Variants in PSG3 observed in about 807,000 individuals in gnomAD.
The protein encoded by PSG3 is pregnancy specific beta-1-glycoprotein 3, also known as pregnancy-specific beta-1-glycoprotein 3.
A neutral mutation model predicts 47.5 loss-of-function variants in PSG3; 61 were observed. That is an observed-to-expected ratio of 1.28 (90% CI 1.05 to 1.59). The LOEUF (loss-of-function observed/expected upper bound fraction) is 1.59, where lower values mean the gene tolerates loss of function less well. PSG3 is among the 40% of genes most tolerant of loss of function. PSG3 has a pLI of 0.00. For synonymous variants in PSG3, 263 were observed against 198.4 expected (o/e 1.33, Z -2.74); for missense variants, 756 against 524.0 (o/e 1.44, Z -4.32).
rs1600386586 is a variant in PSG3 at position 42,733,066 on chromosome 19, T to C, written c.431-4A>G. 1 of 1,612,768 alleles carries C rather than the reference T, an allele frequency of 6.2e-7. No homozygotes were observed. The highest frequency in any genetic ancestry group is 8.5e-7 in the Non-Finnish European group (1 of 1,179,202). ...ATGGAGGGCTTGGGAGTCTCCACTG[T>C]GCAGAAAACAGAGAGAAGATTGCCC... On this transcript the variant is annotated splice_region_variant and splice_polypyrimidine_tract_variant and intron_variant, in intron 2 of 6. Coordinates refer to ENST00000327495, the MANE Select transcript of PSG3 (RefSeq NM_021016.4).
intron 1 of PSG3, 44 bp from the exon 2 acceptor site, chr19:42,739,133 T>G: frequency 6.4e-7 from 1 of 1,561,122 alleles, no homozygotes; most frequent in Non-Finnish European, 8.7e-7. Flanking sequence ...GACCTATGCA[T>G]TGGGGTGAAA....
chr19:42,729,071 C>A (rs750526158), intron 5 of PSG3, 52 bp downstream of exon 5: 21 of 1,612,990 alleles, frequency 1.3e-5, no homozygotes, highest in Non-Finnish European at 1.6e-5. Flanking sequence ...CTCTGAAAGC[C>A]AGAGAGACTC....
At position 42,721,807 on chromosome 19, in the gene PSG3, A is replaced by C. The variant is rs1319666497; in HGVS notation, c.*324T>G. 2.4e-6 allele frequency: 1 copy of C among 409,840 alleles called. No individual in the cohort carries two copies. The highest frequency in any genetic ancestry group is 2.1e-5 in the African/African-American group (1 of 48,610). The allele number at this position is 409,840 out of a possible 1,614,324, so 25.4% of individuals were successfully genotyped here. On this transcript the variant is annotated 3_prime_UTR_variant, in exon 7 of 7. Transcript: ENST00000327495. ...AAAGTGCATAAATCTGGAGAATAAA[A>C]CATTCAAAGAATCAGCACATTTTCA...
intron 2 of PSG3, among the ~76,000 whole-genome samples, chr19:42,736,946 G>A (rs1323960362): frequency 6.6e-6 from 1 of 152,176 alleles, no homozygotes; most frequent in East Asian, 1.9e-4. Context: ...GTTAGAGGGA[G>A]TGTCTGGGGA....
intron 5 of PSG3, among the ~76,000 whole-genome samples, chr19:42,727,918 C>A (rs1047464410): frequency 6.6e-6 from 1 of 152,190 alleles, no homozygotes; most frequent in Non-Finnish European, 1.5e-5. Flanking sequence ...TGTATCTATA[C>A]ATTGAAATGT....
At chr19:42,737,471 C>T (rs1388936109) in intron 2 of PSG3, among the ~76,000 whole-genome samples, 4 of 152,074 alleles carry the variant, frequency 2.6e-5, no homozygotes, top group Admixed American at 2.0e-4. Flanking sequence ...GACATGGACA[C>T]TTTGGGAAAC....
rs746320896 is a variant in PSG3 at position 42,738,760 on chromosome 19, T to G, written c.394A>C (p.Arg132=). Residue 132 remains arginine, a synonymous_variant, in exon 2 of 7, where the codon AGA becomes CGA. Transcript: ENST00000327495. ...AAGGTGAAATGTCCAGTTTCTCCTCTAGTCCCATCACCTCGCTTTACGATG... is the reference window on the plus strand; with the variant it reads ...AAGGTGAAATGTCCAGTTTCTCCTCGAGTCCCATCACCTCGCTTTACGATG... ...LHIVKRGDGT[R]GETGHFTFTL... The G allele has an allele frequency of 6.2e-7, 1 of 1,614,018 alleles. No homozygotes were observed. The highest frequency in any genetic ancestry group is 1.1e-5 in the South Asian group (1 of 91,068).
chr19:42,732,794 C>G lies in PSG3; in HGVS notation c.699G>C (p.Leu233=). 1 of 1,614,096 alleles carries G rather than the reference C, an allele frequency of 6.2e-7. No homozygotes were observed. Among genetic ancestry groups the G allele is most frequent in the Non-Finnish European group, 8.5e-7 (1 of 1,179,956 alleles). The change falls in exon 3 of 7, where the codon CTG becomes CTC. Residue 233 remains leucine, a synonymous_variant. Transcript: ENST00000327495. ...ACAGGAGATACTCACGGAGGAGATT[C>G]AGGGTGACTGGGTCACTGCGGCTGG... ...VSASRSDPVT[L]NLLPKLPKPY... is the part of the protein sequence containing the mutation.
Position 42,739,033 on chromosome 19 carries a change from C to G in PSG3, c.121G>C (p.Glu41Gln), listed in dbSNP as rs201858392. The change falls in exon 2 of 7, where the codon GAG becomes CAG. Residue 41 changes from glutamate to glutamine, a missense_variant. By Grantham distance (29) the Glu-to-Gln change is conservative. Transcript: ENST00000327495. ...PTTAQVTIEA[E>Q]PTKVSKGKDV... The stretch of plus-strand genomic sequence containing the variant: ...TTCCCCTTGGAAACTTTGGTTGGCT[C>G]GGCTTCAATCGTGACTTGGGCAGTG... The G allele has an allele frequency of 1.6e-5, 26 of 1,613,482 alleles. No homozygotes were observed. Among genetic ancestry groups the G allele is most frequent in the African/African-American group, 1.5e-4 (11 of 74,916 alleles).
rs1969605619 is a variant in PSG3, at chr19:42,738,579, G to C, written c.430+145C>G. The stretch of plus-strand genomic sequence containing the variant: ...TGATCTGTTGAAATTTGTCTCTTCT[G>C]TGTGTGTCCTGCACTAAATGCCCAA... On this transcript the variant is annotated intron_variant, in intron 2 of 6. Coordinates refer to ENST00000327495, the MANE Select transcript of PSG3 (RefSeq NM_021016.4). 4.0e-6 allele frequency: 6 copies of C among 1,501,550 alleles called. No homozygotes were observed. The South Asian group carries it at 6.2e-5, about 15-fold the overall frequency. The allele number at this position is 1,501,550 out of a possible 1,614,324, so 93.0% of individuals were successfully genotyped here. A position where few individuals can be genotyped will look rare whatever the true frequency, so the allele number is the denominator to read the frequency against.
intron 2 of PSG3, among the ~76,000 whole-genome samples, chr19:42,737,149 T>C (rs756478219): frequency 2.0e-5 from 3 of 151,986 alleles, no homozygotes; most frequent in Non-Finnish European, 2.9e-5. Context: ...CAAGGAGCCC[T>C]GAGAACCCTC....
chr19:42,730,923 G>A (rs1026366153), intron 3 of PSG3, among the ~76,000 whole-genome samples: 10 of 152,214 alleles, frequency 6.6e-5, no homozygotes, highest in Non-Finnish European at 1.3e-4. Context: ...CTGGAAATCT[G>A]GTCCTCATGG....
At chr19:42,737,731 T>C (rs994706821) in intron 2 of PSG3, among the ~76,000 whole-genome samples, 3 of 152,152 alleles carry the variant, frequency 2.0e-5, no homozygotes, top group African/African-American at 7.2e-5. Context: ...GGCCTTTGGC[T>C]CCAGACACAC....
intron 4 of PSG3, 102 bp from the exon 5 acceptor site, chr19:42,729,479 C>T (rs1286067545): frequency 2.6e-6 from 4 of 1,521,036 alleles, no homozygotes; most frequent in Non-Finnish European, 2.6e-6. Context: ...AAGACACACC[C>T]TCAAGTGCCA....
chr19:42,724,438 G>A (rs878987189), intron 5 of PSG3, among the ~76,000 whole-genome samples: 1 of 152,160 alleles, frequency 6.6e-6, no homozygotes, highest in Non-Finnish European at 1.5e-5. Context: ...CCAGGTCAGT[G>A]CATTTCAAAT....
intron 2 of PSG3, among the ~76,000 whole-genome samples, chr19:42,736,752 A>G (rs1484189453): frequency 2.6e-5 from 4 of 152,100 alleles, no homozygotes; most frequent in Admixed American, 2.6e-4. Context: ...GGTCAGCCTC[A>G]CAAAGGGAAA....
intron 2 of PSG3, chr19:42,733,280 C>A (rs11879195): frequency 9.4e-7 from 1 of 1,060,560 alleles, no homozygotes; most frequent in East Asian, 2.7e-5. Flanking sequence ...ACTTTCTTAA[C>A]TGTGAATTGA....
chr19:42,734,829 T>G (rs1449646369), intron 2 of PSG3, among the ~76,000 whole-genome samples: 1 of 152,214 alleles, frequency 6.6e-6, no homozygotes, highest in Non-Finnish European at 1.5e-5. Flanking sequence ...AGAAAGAACC[T>G]GCTTCTAATT....
intron 5 of PSG3, among the ~76,000 whole-genome samples, chr19:42,728,571 G>A (rs8100301): frequency 0.014 from 2,145 of 152,292 alleles, 55 homozygotes; most frequent in African/African-American, 0.05. Flanking sequence ...GGCCACCAGG[G>A]CTCTTTCTCC....
Sources: allele counts gnomAD v4.1 joint callset (sites outside exome capture counted in the v4.1 genomes callset), GRCh38; gene constraint gnomAD v4.1.1; transcripts MANE v1.5; gene names NCBI Gene and HGNC (gene_info 2026-07-23, HGNC 2026-07-21).